The following TMEM41B variants were observed in gnomAD, a reference collection of about 807,000 sequenced individuals.
TMEM41B encodes the protein transmembrane protein 41B.
In TMEM41B, 18 loss-of-function variants were observed where a neutral mutation model predicts 31.9. That is an observed-to-expected ratio of 0.56 (90% CI 0.39 to 0.84). TMEM41B has a LOEUF of 0.84. Ranked by LOEUF, TMEM41B falls within the 40% of genes least tolerant of loss-of-function variation. The probability of loss-of-function intolerance (pLI) is 0.00; values close to 1 mark genes in which losing one functional copy is unlikely to be tolerated. For synonymous variants in TMEM41B, 144 were observed against 124.3 expected (o/e 1.16, Z -1.05); for missense variants, 322 against 348.0 (o/e 0.93, Z 0.59).
rs757562154 is a variant in TMEM41B, at chr11:9,286,485, A to G, written c.676T>C (p.Leu226=). 10 of 1,611,338 alleles carry G rather than the reference A, an allele frequency of 6.2e-6. No individual in the cohort carries two copies. The African/African-American group carries it at 9.4e-5, about 15-fold the overall frequency. Residue 226 remains leucine, a synonymous_variant, in exon 6 of 7, where the codon TTG becomes CTG. Coordinates refer to ENST00000528080, the MANE Select transcript of TMEM41B (RefSeq NM_015012.4). ...AAAGTACCAATAAAAAAAACTTTCA[A>G]TGGCACGTTTATCACAGGAGATGTG... ...NITSPVINVP[L]KVFFIGTFLG... is the part of the protein sequence containing the mutation.
At chr11:9,306,672 C>T (rs1452538226) in intron 1 of TMEM41B, among the ~76,000 whole-genome samples, 3 of 150,816 alleles carry the variant, frequency 2.0e-5, no homozygotes, top group Non-Finnish European at 4.4e-5. Context: ...GGCGATAGAG[C>T]GAGACTCCGT....
At chr11:9,298,724 C>G (rs1261137413) in intron 2 of TMEM41B, among the ~76,000 whole-genome samples, 1 of 149,726 alleles carries the variant, frequency 6.7e-6, no homozygotes, top group Non-Finnish European at 1.5e-5. Flanking sequence ...AAGCCAAAAT[C>G]AACACCACTT....
At position 9,299,785 on chromosome 11, in the gene TMEM41B, G is replaced by C. The variant is rs1853201578; in HGVS notation, c.122-84C>G. ...AATTTCTGTACATGCTTTCCTTCCA[G>C]AAAATGGCGTGTGCTTTTGCCTAAA... On this transcript the variant is annotated intron_variant, in intron 1 of 6. Transcript: ENST00000528080. 2.0e-5 allele frequency: 21 copies of C among 1,026,864 alleles called. No homozygotes were observed. The South Asian group carries it at 2.9e-4, about 14-fold the overall frequency. 63.6% of individuals were successfully genotyped at this position (1,026,864 alleles called of 1,614,324 possible).
In TMEM41B at chr11:9,282,072, T is replaced by C. The variant is rs180822379; in HGVS notation, c.*1352A>G. The C allele has an allele frequency of 6.6e-6, 1 of 152,296 alleles. No homozygotes were observed. The highest frequency in any genetic ancestry group is 6.5e-5 in the Admixed American group (1 of 15,288). The allele number at this position is 152,296 out of a possible 1,614,324, so 9.4% of individuals were successfully genotyped here. On this transcript the variant is annotated 3_prime_UTR_variant, in exon 7 of 7. Transcript: ENST00000528080. ...GATATTAAAGAGCCATAACAAATTA[T>C]CTGAATATAAATTATCAATACCAGG...
chr11:9,288,039 A>C, intron 4 of TMEM41B: 1 of 492,340 alleles, frequency 2.0e-6, no homozygotes, highest in South Asian at 2.6e-5. Flanking sequence ...ACTATATCCA[A>C]ATAATTAATG....
intron 4 of TMEM41B, 48 bp from the exon 5 acceptor site, chr11:9,287,854 T>C (rs1194505137): frequency 2.1e-6 from 3 of 1,399,498 alleles, no homozygotes; most frequent in Non-Finnish European, 3.0e-6. Context: ...TCCGTCTTAC[T>C]CACATTGATT....
intron 1 of TMEM41B, among the ~76,000 whole-genome samples, chr11:9,301,527 T>C (rs1263527430): frequency 6.6e-6 from 1 of 152,194 alleles, no homozygotes. Flanking sequence ...CATAAAAGTT[T>C]ACAAATGTGT....
chr11:9,306,271 G>A (rs551521214), intron 1 of TMEM41B, among the ~76,000 whole-genome samples: 17 of 151,388 alleles, frequency 1.1e-4, no homozygotes, highest in Non-Finnish European at 2.1e-4. Context: ...GAGCCACCAC[G>A]CCCAGCCAGT....
chr11:9,307,446 A>T (rs35378309), intron 1 of TMEM41B, among the ~76,000 whole-genome samples: 25,920 of 135,608 alleles, frequency 0.19, 2,710 homozygotes, highest in East Asian at 0.46. Flanking sequence ...ATAAAATAAA[A>T]TCTTTTTTTT....
At chr11:9,311,686 A>T in intron 1 of TMEM41B, 1 of 784,966 alleles carries the variant, frequency 1.3e-6, no homozygotes, top group Non-Finnish European at 2.3e-6. Context: ...CTGGGATTCC[A>T]CATGTTTAGG....
In TMEM41B at chr11:9,286,564, G is replaced by A; in HGVS notation, c.597C>T (p.Asn199=). Residue 199 remains asparagine, a synonymous_variant, in exon 6 of 7, where the codon AAC becomes AAT. Transcript: ENST00000528080. ...QVERHREHLI[N]YIIFLRITPF... is the part of the protein sequence containing the mutation. ...GTGTTATTCTCAAAAATATAATGTA[G>A]TTAATGAGATGTTCTCTATGACGTT... 1 of 1,612,132 alleles carries A rather than the reference G, an allele frequency of 6.2e-7. No homozygotes were observed. Among genetic ancestry groups the A allele is most frequent in the Non-Finnish European group, 8.5e-7 (1 of 1,179,110 alleles).
At chr11:9,294,305 G>A (rs897466076) in intron 3 of TMEM41B, among the ~76,000 whole-genome samples, 2 of 150,872 alleles carry the variant, frequency 1.3e-5, no homozygotes, top group East Asian at 3.9e-4. Context: ...GACGACCCTG[G>A]CCAACATGGT....
At chr11:9,313,408 A>G (rs1219798044) in intron 1 of TMEM41B, among the ~76,000 whole-genome samples, 1 of 152,256 alleles carries the variant, frequency 6.6e-6, no homozygotes, top group Non-Finnish European at 1.5e-5. Flanking sequence ...TGAGCTACAG[A>G]CAAACTTGTT....
At chr11:9,290,382 C>CAA (rs1590374302) in intron 3 of TMEM41B, among the ~76,000 whole-genome samples, 1 of 151,746 alleles carries the variant, frequency 6.6e-6, no homozygotes, top group East Asian at 1.9e-4. Context: ...ATCTCAAAAA[C>CAA]AAAACAAAAC....
chr11:9,301,937 T>C (rs932993261), intron 1 of TMEM41B, among the ~76,000 whole-genome samples: 9 of 151,802 alleles, frequency 5.9e-5, no homozygotes, highest in Non-Finnish European at 1.0e-4. Context: ...ACGTTCCACT[T>C]CCCCAATGCC....
At chr11:9,311,373 C>T in intron 1 of TMEM41B, 1 of 1,470,748 alleles carries the variant, frequency 6.8e-7, no homozygotes, top group Non-Finnish European at 9.5e-7. Flanking sequence ...TATCTTCTTG[C>T]CCACTATCAC....
chr11:9,309,005 T>C (rs1276285446), intron 1 of TMEM41B, among the ~76,000 whole-genome samples: 2 of 152,148 alleles, frequency 1.3e-5, no homozygotes, highest in Non-Finnish European at 2.9e-5. Context: ...CCCAGCACTT[T>C]GGGAGGCCAA....
chr11:9,287,464 TAAGATA>T (rs1480842102), intron 5 of TMEM41B, among the ~76,000 whole-genome samples: 2 of 152,328 alleles, frequency 1.3e-5, no homozygotes, highest in East Asian at 1.9e-4. Context: ...TTAAATTTAC[TAAGATA>T]AAGAATTAAA....
chr11:9,310,472 A>T (rs749508623), intron 1 of TMEM41B, among the ~76,000 whole-genome samples: 4 of 151,950 alleles, frequency 2.6e-5, no homozygotes, highest in Non-Finnish European at 5.9e-5. Context: ...CTTATTATTG[A>T]TTATCCATCA....
Sources: gnomAD v4.1 joint callset for allele counts (sites outside exome capture counted in the v4.1 genomes callset) on GRCh38, gnomAD v4.1.1 for gene constraint, MANE v1.5 for transcripts, NCBI Gene and HGNC (gene_info 2026-07-23, HGNC 2026-07-21) for gene names.